CCDC7: variants seen among roughly 807,000 people sequenced by gnomAD.
CCDC7 encodes the protein coiled-coil domain-containing protein 7.
Under a neutral mutation model 196.9 loss-of-function variants are expected in CCDC7, and 183 were observed. The observed-to-expected ratio is 0.93, with a 90% confidence interval of 0.82 to 1.05. CCDC7 has a LOEUF of 1.05. CCDC7 is among the 50% of genes least tolerant of loss of function. The pLI, the probability that CCDC7 is intolerant of heterozygous loss-of-function variation, is 0.00. For synonymous variants in CCDC7, 525 were observed against 484.6 expected, an observed-to-expected ratio of 1.08 and a Z score of -1.10; for missense variants, 1,540 against 1,482.2, an observed-to-expected ratio of 1.04 and a Z score of -0.64.
intron 21 of CCDC7, among the ~76,000 whole-genome samples, chr10:32,666,392 T>A (rs1238049779): frequency 1.3e-5 from 2 of 152,152 alleles, no homozygotes; most frequent in East Asian, 1.9e-4. Flanking sequence ...TTGTTTTTTT[T>A]ATACTTTACG....
intron 25 of CCDC7, among the ~76,000 whole-genome samples, chr10:32,722,935 C>A (rs2082621092): frequency 6.6e-6 from 1 of 152,104 alleles, no homozygotes; most frequent in Non-Finnish European, 1.5e-5. Context: ...CACATAGGGA[C>A]CTTGGCCTGA....
At chr10:32,604,995 C>A (rs2061423358) in intron 18 of CCDC7, among the ~76,000 whole-genome samples, 1 of 152,052 alleles carries the variant, frequency 6.6e-6, no homozygotes, top group South Asian at 2.1e-4. Flanking sequence ...CTGTAATCCC[C>A]AGTTTTGGAG....
chr10:32,622,068 T>G (rs922229300), intron 18 of CCDC7, among the ~76,000 whole-genome samples: 1 of 152,218 alleles, frequency 6.6e-6, no homozygotes, highest in Admixed American at 6.5e-5. Context: ...CTGTGTTTTA[T>G]CTCTCACCTT....
At chr10:32,477,278 A>G (rs1236974437) in intron 8 of CCDC7, among the ~76,000 whole-genome samples, 2 of 151,452 alleles carry the variant, frequency 1.3e-5, no homozygotes, top group African/African-American at 2.4e-5. Flanking sequence ...ATCTCGACCC[A>G]CTGCAACCTC....
intron 18 of CCDC7, among the ~76,000 whole-genome samples, chr10:32,608,522 T>C (rs1479256908): frequency 1.3e-5 from 2 of 152,106 alleles, no homozygotes; most frequent in African/African-American, 4.8e-5. Flanking sequence ...TTTATGATTT[T>C]TTTTGACTTC....
chr10:32,725,019 C>T (rs189876409), intron 25 of CCDC7, among the ~76,000 whole-genome samples: 107 of 152,128 alleles, frequency 7.0e-4, no homozygotes, highest in African/African-American at 2.3e-3. Flanking sequence ...TTAGAATACA[C>T]GTATATATTT....
At chr10:32,726,943 G>A (rs188797544) in intron 26 of CCDC7, 111 bp downstream of exon 27, 27 of 656,644 alleles carry the variant, frequency 4.1e-5, no homozygotes, top group East Asian at 2.5e-4. Flanking sequence ...TATGGAAATC[G>A]TAGACTTTGC....
intron 11 of CCDC7, among the ~76,000 whole-genome samples, chr10:32,537,768 G>A (rs2050762917): frequency 6.6e-6 from 1 of 152,064 alleles, no homozygotes; most frequent in Non-Finnish European, 1.5e-5. Flanking sequence ...TTCATTGCTT[G>A]TTTTTGTCAG....
rs75381118 is a variant in CCDC7 at position 32,763,488 on chromosome 10, C to T, written c.2906-15489C>T. ...CAGCAATTCCCCTTCTGGGTACATA[C>T]GCAAAGGAAATGAAATAAATACCTA... On this transcript the variant is annotated intron_variant, in intron 28 of 41. Coordinates refer to ENST00000639629, the Ensembl canonical transcript of CCDC7. 6.6e-3 allele frequency among the ~76,000 whole-genome samples: 995 copies of T among 151,908 alleles called. 8 individuals are homozygous for T. Among genetic ancestry groups the T allele is most frequent in the African/African-American group, 0.023 (937 of 41,486 alleles).
At chr10:32,484,333 T>C (rs2040572454) in intron 8 of CCDC7, among the ~76,000 whole-genome samples, 1 of 152,222 alleles carries the variant, frequency 6.6e-6, no homozygotes, top group South Asian at 2.1e-4. Context: ...TTGTGATTTT[T>C]GCACATTGAT....
At chr10:32,754,960 AGGAGATTATATCCCGCGCTGGCTT>A (rs1487130903) in intron 28 of CCDC7, among the ~76,000 whole-genome samples, 3 of 152,198 alleles carry the variant, frequency 2.0e-5, no homozygotes, top group African/African-American at 2.4e-5. Context: ...ACAGCACACC[AGGAGATTATATCCCGCGCTGGCTT>A]GGAGGGTCCC....
chr10:32,847,644 G>A lies in CCDC7; in HGVS notation c.3689-189G>A, dbSNP rs12245024. The stretch of plus-strand genomic sequence containing the variant: ...GGCGGGGGACCACTTGAGCCCAGGA[G>A]GTTGAAACTGCAGTCAGCCATGTTC... On this transcript the variant is annotated intron_variant, in intron 37 of 41. Transcript: ENST00000639629. Among the ~76,000 whole-genome samples the A allele has an allele frequency of 3.7e-3, 546 of 146,642 alleles. 3 individuals carry two copies. The highest frequency in any genetic ancestry group is 0.013 in the African/African-American group (512 of 38,026).
rs1237562721 is a variant in CCDC7, at chr10:32,845,638, C to T, written c.3520+12C>T. 6.3e-7 allele frequency: 1 copy of T among 1,586,952 alleles called. No individual in the cohort carries two copies. Among genetic ancestry groups the T allele is most frequent in the Non-Finnish European group, 8.6e-7 (1 of 1,157,700 alleles). On this transcript the variant is annotated intron_variant, in intron 35 of 41. Transcript: ENST00000639629. The stretch of plus-strand genomic sequence containing the variant: ...AAAAAGTCACCCAGGTAAGAGAAAA[C>T]AATTTCAAGACTAATATTTATGGTT...
At chr10:32,703,182 C>A (rs548994283) in intron 24 of CCDC7, among the ~76,000 whole-genome samples, 1 of 152,146 alleles carries the variant, frequency 6.6e-6, no homozygotes, top group Non-Finnish European at 1.5e-5. Flanking sequence ...TTAGTGCTTC[C>A]TTCAGGAGCT....
intron 21 of CCDC7, among the ~76,000 whole-genome samples, chr10:32,668,077 T>G (rs1044051092): frequency 1.1e-4 from 16 of 152,258 alleles, no homozygotes; most frequent in African/African-American, 3.9e-4. Context: ...CTTGAAGAGG[T>G]CCTTCACGTC....
rs184657484 is a variant in CCDC7, at chr10:32,538,847, C to T, written c.994-4453C>T. Among the ~76,000 whole-genome samples, 12 of 152,036 alleles carry T rather than the reference C, an allele frequency of 7.9e-5. No individual in the cohort carries two copies. In the East Asian group the frequency reaches 1.5e-3, roughly 20 times the overall value. On this transcript the variant is annotated intron_variant, in intron 11 of 41. Coordinates refer to ENST00000639629, the Ensembl canonical transcript of CCDC7. ...AGGGATAGAGCCTATTTGATCATGGCGGATTACGTTTTTGATGTGCTTCTG... is the reference window on the plus strand; with the variant it reads ...AGGGATAGAGCCTATTTGATCATGGTGGATTACGTTTTTGATGTGCTTCTG...
downstream of CCDC7, among the ~76,000 whole-genome samples, chr10:32,879,333 A>G (rs1383199753): frequency 6.6e-6 from 1 of 152,190 alleles, no homozygotes. Flanking sequence ...CTAAATAAAC[A>G]TGTTTCGCAG....
chr10:32,742,323 T>G (rs925279578), intron 28 of CCDC7, among the ~76,000 whole-genome samples: 2 of 152,178 alleles, frequency 1.3e-5, no homozygotes, highest in African/African-American at 4.8e-5. Context: ...TTATAACCAA[T>G]GAACCTACAC....
intron 20 of CCDC7, among the ~76,000 whole-genome samples, chr10:32,644,304 G>A (rs1286195403): frequency 6.6e-6 from 1 of 152,062 alleles, no homozygotes; most frequent in Non-Finnish European, 1.5e-5. Flanking sequence ...TCTTCTTCAT[G>A]TCTAACTGTA....
Sources: gnomAD v4.1 joint callset for allele counts (sites outside exome capture counted in the v4.1 genomes callset) on GRCh38, gnomAD v4.1.1 for gene constraint, MANE v1.5 for transcripts, NCBI Gene and HGNC (gene_info 2026-07-23, HGNC 2026-07-21) for gene names.